SCFD1: variants seen among roughly 807,000 people sequenced by gnomAD.
The protein encoded by SCFD1 is sec1 family domain containing 1.
In SCFD1, 37 loss-of-function variants were observed where a neutral mutation model predicts 103.2. That is an observed-to-expected ratio of 0.36 (90% CI 0.28 to 0.47). The LOEUF (loss-of-function observed/expected upper bound fraction) is 0.47, where lower values mean the gene tolerates loss of function less well. Ranked by LOEUF, SCFD1 falls within the 20% of genes least tolerant of loss-of-function variation. The probability of loss-of-function intolerance (pLI) is 1.00; values close to 1 mark genes in which losing one functional copy is unlikely to be tolerated. For missense variants in SCFD1, 639 were observed against 761.2 expected (o/e 0.84, Z 1.89); for synonymous variants, 264 against 245.0 (o/e 1.08, Z -0.73).
intron 11 of SCFD1, among the ~76,000 whole-genome samples, chr14:30,670,872 C>A (rs1397669418): frequency 6.6e-6 from 1 of 151,964 alleles, no homozygotes; most frequent in Non-Finnish European, 1.5e-5. Flanking sequence ...CATTAATTTG[C>A]CATGTGATTT....
intron 9 of SCFD1, among the ~76,000 whole-genome samples, chr14:30,651,722 G>C (rs570351472): frequency 6.6e-6 from 1 of 152,070 alleles, no homozygotes; most frequent in African/African-American, 2.4e-5. Context: ...TAATATGGGC[G>C]TCTTGTTTCT....
intron 10 of SCFD1, among the ~76,000 whole-genome samples, chr14:30,658,586 T>C (rs1237532464): frequency 3.3e-5 from 5 of 151,934 alleles, no homozygotes; most frequent in African/African-American, 1.2e-4. Flanking sequence ...AGAGATGGGG[T>C]TTCGCCATGT....
chr14:30,660,833 T>C (rs1208804224), intron 10 of SCFD1, among the ~76,000 whole-genome samples: 1 of 152,176 alleles, frequency 6.6e-6, no homozygotes, highest in African/African-American at 2.4e-5. Context: ...TGGCCTATCA[T>C]GTTGGCCTTG....
chr14:30,715,204 C>T (rs1349406510), intron 19 of SCFD1: 1 of 152,182 alleles, frequency 6.6e-6, no homozygotes, highest in African/African-American at 2.4e-5. Flanking sequence ...ATCATTTAAT[C>T]TCATACGTTT....
At chr14:30,635,303 G>A (rs1594569527) in intron 4 of SCFD1, among the ~76,000 whole-genome samples, 1 of 152,118 alleles carries the variant, frequency 6.6e-6, no homozygotes. Flanking sequence ...AGGAGCACAA[G>A]TGTATGGTTC....
rs80331283 is a variant in SCFD1, at chr14:30,662,209, C to T, written c.856-8047C>T. On this transcript the variant is annotated intron_variant, in intron 10 of 24. Coordinates refer to ENST00000458591, the MANE Select transcript of SCFD1 (RefSeq NM_016106.4). The stretch of plus-strand genomic sequence containing the variant: ...ACCCTATTCCCCAAACTATTTAACT[C>T]CTAAGATGAAGATTTTCTCCAGAGA... Among the ~76,000 whole-genome samples the T allele has an allele frequency of 3.7e-3, 559 of 152,254 alleles. 7 individuals carry two copies. Among genetic ancestry groups the T allele is most frequent in the African/African-American group, 0.013 (529 of 41,548 alleles).
At chr14:30,658,812 T>C (rs1456534866) in intron 10 of SCFD1, among the ~76,000 whole-genome samples, 2 of 152,232 alleles carry the variant, frequency 1.3e-5, no homozygotes, top group Non-Finnish European at 2.9e-5. Context: ...AGATTGATGC[T>C]TTGGGTCCAA....
chr14:30,734,160 G>A (rs75977946), intron 23 of SCFD1, among the ~76,000 whole-genome samples: 2,203 of 152,160 alleles, frequency 0.014, 46 homozygotes, highest in African/African-American at 0.051. Flanking sequence ...AAATTACTTT[G>A]TTCTAGAATA....
intron 15 of SCFD1, among the ~76,000 whole-genome samples, chr14:30,699,042 G>T (rs1303525046): frequency 6.6e-6 from 1 of 152,144 alleles, no homozygotes; most frequent in African/African-American, 2.4e-5. Context: ...ACATTAGCCT[G>T]TACTGAATCA....
intron 23 of SCFD1, among the ~76,000 whole-genome samples, chr14:30,729,208 T>C (rs1893267327): frequency 1.3e-5 from 2 of 152,178 alleles, no homozygotes; most frequent in African/African-American, 4.8e-5. Flanking sequence ...TCTTTTCTCT[T>C]TTTGTGATGG....
At chr14:30,701,850 A>G (rs1016022517) in intron 16 of SCFD1, among the ~76,000 whole-genome samples, 5 of 152,220 alleles carry the variant, frequency 3.3e-5, no homozygotes, top group South Asian at 4.1e-4. Flanking sequence ...CCTGTTGTCC[A>G]GTTAATGAAT....
intron 19 of SCFD1, among the ~76,000 whole-genome samples, chr14:30,711,636 CT>C (rs1351114930): frequency 6.6e-6 from 1 of 152,220 alleles, no homozygotes; most frequent in African/African-American, 2.4e-5. Flanking sequence ...ATATATACAA[CT>C]TATTTGTCAG....
chr14:30,666,852 G>T (rs2139184044), intron 10 of SCFD1, among the ~76,000 whole-genome samples: 1 of 152,160 alleles, frequency 6.6e-6, no homozygotes, highest in East Asian at 1.9e-4. Context: ...ACTAAACTGG[G>T]AAGAATTTGA....
chr14:30,699,585 C>G (rs746711952), intron 15 of SCFD1, among the ~76,000 whole-genome samples: 6 of 152,158 alleles, frequency 3.9e-5, no homozygotes, highest in Non-Finnish European at 7.4e-5. Context: ...CAAATATATT[C>G]TATGTGATAT....
At chr14:30,690,794 G>A (rs1478817789) in intron 14 of SCFD1, among the ~76,000 whole-genome samples, 1 of 152,154 alleles carries the variant, frequency 6.6e-6, no homozygotes, top group African/African-American at 2.4e-5. Context: ...GCTGGGAGCT[G>A]TAGACCGGAG....
intron 14 of SCFD1, among the ~76,000 whole-genome samples, chr14:30,694,512 A>G (rs1890552570): frequency 6.6e-6 from 1 of 152,048 alleles, no homozygotes; most frequent in African/African-American, 2.4e-5. Flanking sequence ...TCTCTATAAA[A>G]AAAAAATACG....
chr14:30,711,201 TAAC>T (rs1330460107), intron 19 of SCFD1, among the ~76,000 whole-genome samples: 3 of 152,136 alleles, frequency 2.0e-5, no homozygotes, highest in African/African-American at 7.2e-5. Flanking sequence ...AAAAATGAAT[TAAC>T]AACACATAAA....
At chr14:30,718,120 ATGG>A (rs750344394) in intron 20 of SCFD1, among the ~76,000 whole-genome samples, 3 of 152,192 alleles carry the variant, frequency 2.0e-5, no homozygotes, top group Non-Finnish European at 4.4e-5. Flanking sequence ...CATTCCCTTC[ATGG>A]AATCCCAGAA....
chr14:30,727,740 T>G (rs1183377032), intron 23 of SCFD1, among the ~76,000 whole-genome samples: 1 of 152,080 alleles, frequency 6.6e-6, no homozygotes, highest in Non-Finnish European at 1.5e-5. Context: ...GATCCCTGAG[T>G]TAGGAGACCA....
Sources: allele counts gnomAD v4.1 joint callset (sites outside exome capture counted in the v4.1 genomes callset), GRCh38; gene constraint gnomAD v4.1.1; transcripts MANE v1.5; gene names NCBI Gene and HGNC (gene_info 2026-07-23, HGNC 2026-07-21).